The following EYS variants were observed in gnomAD, a reference collection of about 807,000 sequenced individuals.
EYS encodes the protein protein eyes shut homolog.
EYS carries 250 observed loss-of-function variants against 282.1 expected under a neutral mutation model. The observed-to-expected ratio is 0.89, with a 90% CI of 0.80 to 0.98. The LOEUF (loss-of-function observed/expected upper bound fraction) is 0.98, where lower values mean the gene tolerates loss of function less well. Among genes scored for constraint, EYS ranks in the 50% least tolerant of loss-of-function variants. The pLI is 0.00. For synonymous variants in EYS, 1,355 were observed against 1,282.9 expected (o/e 1.06, Z -1.20); for missense variants, 4,016 against 3,709.0 (o/e 1.08, Z -2.15).
chr6:65,701,481 A>C (rs577951545), intron 1 of EYS, among the ~76,000 whole-genome samples: 1 of 152,272 alleles, frequency 6.6e-6, no homozygotes, highest in East Asian at 1.9e-4. Flanking sequence ...CTGCCAGATG[A>C]TTATTTTAAA....
intron 2 of EYS, among the ~76,000 whole-genome samples, chr6:65,539,459 C>T (rs545350836): frequency 9.2e-5 from 14 of 152,070 alleles, no homozygotes; most frequent in South Asian, 4.1e-4. Context: ...TATATTGGAC[C>T]GATTCATTGA....
intron 26 of EYS, among the ~76,000 whole-genome samples, chr6:64,439,579 A>C (rs957254369): frequency 7.2e-5 from 11 of 151,808 alleles, no homozygotes; most frequent in Non-Finnish European, 1.0e-4. Context: ...AAGGAAATCA[A>C]GATGATTACT....
intron 22 of EYS, among the ~76,000 whole-genome samples, chr6:64,765,582 G>A (rs991023628): frequency 6.6e-6 from 1 of 152,174 alleles, no homozygotes; most frequent in Non-Finnish European, 1.5e-5. Context: ...GAAGAAAAGA[G>A]TTTCATTGAA....
At chr6:64,841,715 T>C (rs932115885) in intron 19 of EYS, among the ~76,000 whole-genome samples, 3 of 152,130 alleles carry the variant, frequency 2.0e-5, no homozygotes, top group African/African-American at 7.2e-5. Context: ...TGGGAGACAA[T>C]TGGCACTATC....
At chr6:64,259,756 G>C (rs1397625629) in intron 30 of EYS, among the ~76,000 whole-genome samples, 1 of 151,184 alleles carries the variant, frequency 6.6e-6, no homozygotes, top group Non-Finnish European at 1.5e-5. Flanking sequence ...CTTGAATTAA[G>C]GTTTTCTTGT....
chr6:64,238,787 T>C (rs1188622650), intron 30 of EYS, among the ~76,000 whole-genome samples: 2 of 152,164 alleles, frequency 1.3e-5, no homozygotes, highest in Non-Finnish European at 2.9e-5. Context: ...AGTTCTAGGG[T>C]ATATGTGCAG....
At chr6:63,879,207 C>T (rs909964814) in intron 35 of EYS, among the ~76,000 whole-genome samples, 14 of 151,912 alleles carry the variant, frequency 9.2e-5, no homozygotes, top group East Asian at 3.9e-4. Context: ...TTTAGAAAGT[C>T]GAGGGAGAAT....
At chr6:64,296,565 TATATATATATATATATATACATATATATA>T (rs1561913590) in intron 30 of EYS, among the ~76,000 whole-genome samples, 36 of 7,444 alleles carry the variant, frequency 4.8e-3, no homozygotes, top group African/African-American at 0.019. Context: ...TATATATATA[TATATATATATATATATATACATATATATA>T]TATATTTTTT....
chr6:65,172,625 A>G (rs1765130844), intron 12 of EYS, among the ~76,000 whole-genome samples: 1 of 151,404 alleles, frequency 6.6e-6, no homozygotes, highest in Non-Finnish European at 1.5e-5. Flanking sequence ...CTATTCAAGT[A>G]GAAAACAGGA....
intron 28 of EYS, among the ~76,000 whole-genome samples, chr6:64,407,004 G>A (rs1561977652): frequency 7.2e-5 from 11 of 152,146 alleles, no homozygotes. Context: ...GCACACATAT[G>A]TTCATTGCAG....
chr6:64,510,134 A>G (rs949713604), intron 26 of EYS, among the ~76,000 whole-genome samples: 2 of 152,134 alleles, frequency 1.3e-5, no homozygotes, highest in African/African-American at 4.8e-5. Flanking sequence ...ATTTAGATCT[A>G]AAAAAACACA....
chr6:63,802,904 A>T (rs560576629), intron 37 of EYS, among the ~76,000 whole-genome samples: 12 of 152,260 alleles, frequency 7.9e-5, no homozygotes, highest in Non-Finnish European at 1.2e-4. Context: ...TTATTTAACC[A>T]TGCAATAAAC....
intron 13 of EYS, among the ~76,000 whole-genome samples, chr6:65,030,088 G>T (rs770127820): frequency 6.6e-6 from 1 of 152,164 alleles, no homozygotes; most frequent in African/African-American, 2.4e-5. Flanking sequence ...CTGGAGAACA[G>T]CTAGGGATGT....
At chr6:64,206,456 T>A (rs115100885) in intron 31 of EYS, among the ~76,000 whole-genome samples, 1 of 152,240 alleles carries the variant, frequency 6.6e-6, no homozygotes, top group South Asian at 2.1e-4. Context: ...CTCATTGTTA[T>A]GTGGTTTAAA....
chr6:65,381,579 A>G (rs572564354), intron 8 of EYS, among the ~76,000 whole-genome samples: 1 of 152,172 alleles, frequency 6.6e-6, no homozygotes, highest in East Asian at 1.9e-4. Context: ...GTACATGTAT[A>G]CCAATGTAAC....
At chr6:64,516,394 T>C (rs768047986) in intron 26 of EYS, among the ~76,000 whole-genome samples, 1 of 151,698 alleles carries the variant, frequency 6.6e-6, no homozygotes, top group Non-Finnish European at 1.5e-5. Context: ...AAAAAACAGC[T>C]ATGACACAAG....
chr6:65,442,859 C>T (rs991693211), intron 5 of EYS, among the ~76,000 whole-genome samples: 1 of 116,008 alleles, frequency 8.6e-6, no homozygotes, highest in Admixed American at 9.6e-5. Flanking sequence ...TACATATGTA[C>T]ATATATACAT....
intron 28 of EYS, among the ~76,000 whole-genome samples, chr6:64,431,524 T>A (rs570772686): frequency 5.9e-5 from 9 of 152,274 alleles, no homozygotes; most frequent in African/African-American, 2.2e-4. Flanking sequence ...GGAAACGAGC[T>A]GTAGAGCGGA....
chr6:64,635,358 T>C (rs1767937218), intron 22 of EYS, among the ~76,000 whole-genome samples: 2 of 152,170 alleles, frequency 1.3e-5, no homozygotes, highest in South Asian at 2.1e-4. Flanking sequence ...TCCAACACTA[T>C]GTTGAATAGG....
Sources: gnomAD v4.1 joint callset for allele counts (sites outside exome capture counted in the v4.1 genomes callset) on GRCh38, gnomAD v4.1.1 for gene constraint, MANE v1.5 for transcripts, NCBI Gene and HGNC (gene_info 2026-07-23, HGNC 2026-07-21) for gene names.